PIK3R3: variants seen among roughly 807,000 people sequenced by gnomAD.
PIK3R3 encodes the protein phosphoinositide-3-kinase regulatory subunit 3.
A neutral mutation model predicts 62.9 loss-of-function variants in PIK3R3; 64 were observed. The observed-to-expected ratio is 1.02, with a 90% CI of 0.83 to 1.25. The LOEUF (loss-of-function observed/expected upper bound fraction) is 1.25. PIK3R3 is among the 50% of genes most tolerant of loss of function. The probability of loss-of-function intolerance (pLI) is 0.00; values close to 1 mark genes in which losing one functional copy is unlikely to be tolerated. For missense variants in PIK3R3, 614 were observed against 561.6 expected, an observed-to-expected ratio of 1.09 and a Z score of -0.94; for synonymous variants, 165 against 189.0, an observed-to-expected ratio of 0.87 and a Z score of 1.04.
chr1:46,140,745 T>TGA, the PIK3R3 span, among the ~76,000 whole-genome samples: 2 of 152,248 alleles, frequency 1.3e-5, no homozygotes, highest in African/African-American at 4.8e-5. Flanking sequence ...CTTCAGAGCC[T>TGA]CAGAAGAAAC....
upstream of PIK3R3, chr1:46,132,705 A>G (rs1293734645): frequency 7.8e-7 from 1 of 1,289,320 alleles, no homozygotes; most frequent in Non-Finnish European, 1.0e-6. Context: ...CCACCCGCTG[A>G]GGCGCCACCC....
the PIK3R3 span, among the ~76,000 whole-genome samples, chr1:46,139,289 T>C: frequency 6.6e-6 from 1 of 151,860 alleles, no homozygotes; most frequent in Admixed American, 6.6e-5. Context: ...ACACTTTTGC[T>C]GACCCACGTG....
At chr1:46,073,058 C>T (rs1266030512) in intron 3 of PIK3R3, among the ~76,000 whole-genome samples, 1 of 151,978 alleles carries the variant, frequency 6.6e-6, no homozygotes, top group African/African-American at 2.4e-5. Flanking sequence ...TAAACAAAAT[C>T]CCCAACCTCA....
At chr1:46,071,356 T>C (rs188823995) in intron 3 of PIK3R3, among the ~76,000 whole-genome samples, 1 of 152,186 alleles carries the variant, frequency 6.6e-6, no homozygotes, top group Non-Finnish European at 1.5e-5. Flanking sequence ...CCTAAATTTC[T>C]AGCTATATCC....
In PIK3R3 at chr1:46,061,796, A is replaced by C. The variant is rs987615118; in HGVS notation, c.764+133T>G. 1.4e-4 allele frequency: 109 copies of C among 788,292 alleles called. 2 individuals carry two copies. In the South Asian group the frequency reaches 1.5e-3, roughly 11 times the overall value. The allele number at this position is 788,292 out of a possible 1,614,324, so 48.8% of individuals were successfully genotyped here. On this transcript the variant is annotated intron_variant, in intron 6 of 9. Transcript: ENST00000262741. ...AGAGGAAGTTCAATTTGGTGCCATT[A>C]GTGGAAACAGCAAGTGGTTCCAATA... is the stretch of plus-strand genomic sequence containing the variant.
intron 3 of PIK3R3, 51 bp downstream of exon 3, chr1:46,077,463 GA>G: frequency 1.1e-6 from 1 of 890,508 alleles, no homozygotes; most frequent in Non-Finnish European, 1.9e-6. Flanking sequence ...TGTATACCCA[GA>G]ACTAAAATAA....
At chr1:46,050,034 G>A (rs916307795) in intron 7 of PIK3R3, among the ~76,000 whole-genome samples, 1 of 150,528 alleles carries the variant, frequency 6.6e-6, no homozygotes, top group African/African-American at 2.4e-5. Flanking sequence ...TGCAGGAGAA[G>A]TGCTTGAACC....
intron 6 of PIK3R3, chr1:46,056,864 ACAACAG>A: frequency 6.6e-6 from 1 of 152,240 alleles, no homozygotes; most frequent in East Asian, 1.9e-4. Flanking sequence ...GTAGCATAAC[ACAACAG>A]TTAAGAACAA....
rs1768807 is a variant in PIK3R3, at chr1:46,044,898, A to G, written c.1187+1020T>C. Among the ~76,000 whole-genome samples the G allele has an allele frequency of 0.67, 102,501 of 152,112 alleles. 34,791 individuals are homozygous for G. Among genetic ancestry groups the G allele is most frequent in the Non-Finnish European group, 0.71 (48,172 of 67,988 alleles). Reference sequence around the variant, plus strand: ...CTTGGATTCAAACTCTGACTCCATGATACAAGTAGAGCACTATGAACAAGA... The same window carrying G: ...CTTGGATTCAAACTCTGACTCCATGGTACAAGTAGAGCACTATGAACAAGA... On this transcript the variant is annotated intron_variant, in intron 9 of 9. Transcript: ENST00000262741. This position sits in a 1 kb window ranked among gnomAD's most constrained non-coding sequence, Gnocchi z 4.2.
intron 1 of PIK3R3, among the ~76,000 whole-genome samples, chr1:46,128,818 C>T (rs781388977): frequency 5.9e-5 from 9 of 152,272 alleles, no homozygotes; most frequent in East Asian, 3.9e-4. Flanking sequence ...CGGGGTCTCA[C>T]GCCTGTAATC....
intron 1 of PIK3R3, among the ~76,000 whole-genome samples, chr1:46,089,516 C>T (rs1458009610): frequency 6.6e-6 from 1 of 152,020 alleles, no homozygotes. Context: ...GAGATCAAGA[C>T]CATCCTGGCT....
intron 1 of PIK3R3, among the ~76,000 whole-genome samples, chr1:46,100,542 A>C (rs1323645189): frequency 6.6e-6 from 1 of 152,226 alleles, no homozygotes; most frequent in Non-Finnish European, 1.5e-5. Context: ...ATATGGCTTT[A>C]TAAATAATGC....
chr1:46,130,064 CAACTT>C (rs1198465974), intron 1 of PIK3R3, among the ~76,000 whole-genome samples: 2 of 152,176 alleles, frequency 1.3e-5, no homozygotes, highest in East Asian at 3.8e-4. Context: ...CAACTCAACT[CAACTT>C]GACCAGTATT....
chr1:46,087,384 G>A (rs1651173023), intron 1 of PIK3R3, among the ~76,000 whole-genome samples: 1 of 151,708 alleles, frequency 6.6e-6, no homozygotes, highest in Non-Finnish European at 1.5e-5. Flanking sequence ...GAATAGGGGT[G>A]AGCCCTATAT....
chr1:46,065,261 C>CT (rs1486423472), intron 5 of PIK3R3, among the ~76,000 whole-genome samples: 3 of 152,108 alleles, frequency 2.0e-5, no homozygotes, highest in Non-Finnish European at 4.4e-5. Flanking sequence ...CCAAGTCTAG[C>CT]TAAAAAACAA....
intron 6 of PIK3R3, among the ~76,000 whole-genome samples, chr1:46,059,667 GC>G (rs1557564843): frequency 6.6e-6 from 1 of 152,152 alleles, no homozygotes; most frequent in Non-Finnish European, 1.5e-5. Flanking sequence ...AGTGGCACTT[GC>G]CTGTAGTCCT....
intron 1 of PIK3R3, among the ~76,000 whole-genome samples, chr1:46,107,569 CA>C (rs748557520): frequency 1.3e-5 from 2 of 152,168 alleles, no homozygotes; most frequent in South Asian, 4.2e-4. Flanking sequence ...CAAAACAAAA[CA>C]AAACAAAAAC....
intron 3 of PIK3R3, among the ~76,000 whole-genome samples, chr1:46,073,381 A>C (rs1462260405): frequency 1.3e-5 from 2 of 152,132 alleles, no homozygotes; most frequent in East Asian, 3.8e-4. Context: ...GCATTTAGGG[A>C]TGATGGGGTT....
intron 1 of PIK3R3, among the ~76,000 whole-genome samples, chr1:46,115,697 C>T (rs1654123380): frequency 6.6e-6 from 1 of 152,190 alleles, no homozygotes; most frequent in African/African-American, 2.4e-5. Context: ...CAGGTCTGAA[C>T]CACCTCGTTG....
Sources: allele counts gnomAD v4.1 joint callset (sites outside exome capture counted in the v4.1 genomes callset), GRCh38; gene constraint gnomAD v4.1.1; non-coding constraint Gnocchi (gnomAD v3.1); transcripts MANE v1.5; gene names NCBI Gene and HGNC (gene_info 2026-07-23, HGNC 2026-07-21).